KSR1: variants seen among roughly 807,000 people sequenced by gnomAD.
The protein encoded by KSR1 is kinase suppressor of ras.
KSR1 carries 35 observed loss-of-function variants against 92.9 expected under a neutral mutation model. That is an observed-to-expected ratio of 0.38 (90% CI 0.29 to 0.50). The LOEUF is 0.50. Ranked by LOEUF, KSR1 falls within the 20% of genes least tolerant of loss-of-function variation. The probability of loss-of-function intolerance (pLI) is 0.94; values close to 1 mark genes in which losing one functional copy is unlikely to be tolerated. For synonymous variants in KSR1, 467 were observed against 472.6 expected (o/e 0.99, Z 0.15); for missense variants, 972 against 1,158.5 (o/e 0.84, Z 2.34).
intron 1 of KSR1, among the ~76,000 whole-genome samples, chr17:27,547,604 C>T (rs879457866): frequency 1.3e-5 from 2 of 152,140 alleles, no homozygotes; most frequent in Non-Finnish European, 2.9e-5. Context: ...GACTCTATCA[C>T]AGGTTTTTTT....
intron 1 of KSR1, among the ~76,000 whole-genome samples, chr17:27,529,052 A>G (rs897795176): frequency 6.6e-6 from 1 of 152,242 alleles, no homozygotes; most frequent in Non-Finnish European, 1.5e-5. Flanking sequence ...CTTTAAAAAT[A>G]CAAAAAAGTA....
intron 1 of KSR1, among the ~76,000 whole-genome samples, chr17:27,524,093 A>G (rs746431042): frequency 1.2e-4 from 19 of 152,126 alleles, no homozygotes; most frequent in Non-Finnish European, 2.5e-4. Flanking sequence ...GGAGCTTATG[A>G]GTGGAGTGGG....
intron 2 of KSR1, among the ~76,000 whole-genome samples, chr17:27,576,580 A>G (rs1292093932): frequency 6.6e-6 from 1 of 152,114 alleles, no homozygotes; most frequent in Non-Finnish European, 1.5e-5. Context: ...CTGATAACCA[A>G]GATAGCTACT....
chr17:27,480,635 G>A (rs2068484353), intron 1 of KSR1, among the ~76,000 whole-genome samples: 1 of 152,168 alleles, frequency 6.6e-6, no homozygotes, highest in Non-Finnish European at 1.5e-5. Flanking sequence ...CTGACCTCAG[G>A]CGATCCACCC....
intron 1 of KSR1, among the ~76,000 whole-genome samples, chr17:27,531,487 A>G (rs1250377773): frequency 6.6e-6 from 1 of 151,988 alleles, no homozygotes; most frequent in Non-Finnish European, 1.5e-5. Context: ...ACCTGAGTCC[A>G]TTTTCTGCCT....
Position 27,467,783 on chromosome 17 carries a change from G to A in KSR1, c.231+10909G>A, listed in dbSNP as rs190857463. Among the ~76,000 whole-genome samples, 4 of 151,674 alleles carry A rather than the reference G, an allele frequency of 2.6e-5. No homozygotes were observed. The East Asian group carries it at 7.8e-4, about 29-fold the overall frequency. On this transcript the variant is annotated intron_variant, in intron 1 of 20. Coordinates refer to ENST00000644974, the MANE Select transcript of KSR1 (RefSeq NM_001394583.1). ...GGTCAAGTTCCCTGTGCTCCATCAG[G>A]TGAAATGCCTAGGTCTGAGTTTATG...
chr17:27,522,802 G>A (rs1297251920), intron 1 of KSR1, among the ~76,000 whole-genome samples: 2 of 152,356 alleles, frequency 1.3e-5, no homozygotes, highest in South Asian at 4.1e-4. Context: ...GCACCACTCT[G>A]AATGCTGGCT....
chr17:27,494,196 T>C (rs1204525042), intron 1 of KSR1, among the ~76,000 whole-genome samples: 1 of 152,018 alleles, frequency 6.6e-6, no homozygotes, highest in Non-Finnish European at 1.5e-5. Context: ...AAAGTGGAGA[T>C]GATTTTTTTT....
At chr17:27,470,973 C>T (rs1019634837) in intron 1 of KSR1, among the ~76,000 whole-genome samples, 5 of 151,916 alleles carry the variant, frequency 3.3e-5, no homozygotes, top group Non-Finnish European at 2.9e-5. Context: ...CGGGTTCAAG[C>T]GATTCTTGTG....
intron 1 of KSR1, among the ~76,000 whole-genome samples, chr17:27,503,089 A>G (rs1400016491): frequency 2.0e-5 from 3 of 152,210 alleles, no homozygotes; most frequent in Non-Finnish European, 4.4e-5. Flanking sequence ...TGCAGATGAG[A>G]AAACTGTCTC....
At chr17:27,511,019 G>T (rs930209964) in intron 1 of KSR1, among the ~76,000 whole-genome samples, 2 of 152,168 alleles carry the variant, frequency 1.3e-5, no homozygotes, top group African/African-American at 4.8e-5. Flanking sequence ...AGAAGGTGGG[G>T]ATGAGCCTGC....
chr17:27,614,694 C>T (rs1598153341), intron 18 of KSR1, among the ~76,000 whole-genome samples: 2 of 152,172 alleles, frequency 1.3e-5, no homozygotes, highest in African/African-American at 2.4e-5. Flanking sequence ...CATTCTAGAG[C>T]ACAGCCAGAG....
At chr17:27,563,616 C>T (rs2071925636) in intron 2 of KSR1, among the ~76,000 whole-genome samples, 1 of 152,202 alleles carries the variant, frequency 6.6e-6, no homozygotes, top group Non-Finnish European at 1.5e-5. Context: ...AAAATCCAAA[C>T]CCTTCACCTA....
At chr17:27,478,999 C>T (rs1322490966) in intron 1 of KSR1, among the ~76,000 whole-genome samples, 1 of 150,870 alleles carries the variant, frequency 6.6e-6, no homozygotes, top group East Asian at 2.0e-4. Flanking sequence ...CGTCCATGCT[C>T]CTCTCTCCCT....
At chr17:27,497,579 G>A (rs2069034008) in intron 1 of KSR1, among the ~76,000 whole-genome samples, 1 of 152,136 alleles carries the variant, frequency 6.6e-6, no homozygotes, top group African/African-American at 2.4e-5. Context: ...CAGGCAGTGG[G>A]GCCCCAAATA....
chr17:27,575,232 A>G (rs993335942), intron 2 of KSR1, among the ~76,000 whole-genome samples: 1 of 152,184 alleles, frequency 6.6e-6, no homozygotes, highest in Non-Finnish European at 1.5e-5. Context: ...AGCTATTTTC[A>G]TGGTTATTTC....
chr17:27,505,407 T>C (rs1407495666), intron 1 of KSR1, among the ~76,000 whole-genome samples: 1 of 152,204 alleles, frequency 6.6e-6, no homozygotes, highest in Non-Finnish European at 1.5e-5. Context: ...TAGTTCTTCA[T>C]CCAAGAAGGT....
chr17:27,527,069 G>T, intron 1 of KSR1: 1 of 436,834 alleles, frequency 2.3e-6, no homozygotes, highest in Non-Finnish European at 4.4e-6. Context: ...GTGGGTCAGC[G>T]CCTGCAGGTA....
At chr17:27,532,779 T>G (rs2070592944) in intron 1 of KSR1, among the ~76,000 whole-genome samples, 1 of 152,204 alleles carries the variant, frequency 6.6e-6, no homozygotes, top group Non-Finnish European at 1.5e-5. Context: ...AGAGCATCCC[T>G]GGGGCTCCTC....
Sources: allele counts gnomAD v4.1 joint callset (sites outside exome capture counted in the v4.1 genomes callset), GRCh38; gene constraint gnomAD v4.1.1; transcripts MANE v1.5; gene names NCBI Gene and HGNC (gene_info 2026-07-23, HGNC 2026-07-21).